The following HYDIN variants were observed in gnomAD, a reference collection of about 807,000 sequenced individuals.
HYDIN encodes the protein HYDIN axonemal central pair apparatus protein.
A neutral mutation model predicts 403.9 loss-of-function variants in HYDIN; 132 were observed. That is an observed-to-expected ratio of 0.33 (90% confidence interval 0.28 to 0.38). The LOEUF (loss-of-function observed/expected upper bound fraction) is 0.38. HYDIN is among the 10% of genes least tolerant of loss of function. HYDIN has a pLI of 1.00. For synonymous variants in HYDIN, 1,202 were observed against 1,891.7 expected (o/e 0.64, Z 9.46); for missense variants, 2,827 against 5,009.5 (o/e 0.56, Z 13.15).
chr16:71,203,788 A>G (rs1267985323), intron 1 of HYDIN: 1 of 455,928 alleles, frequency 2.2e-6, no homozygotes, highest in Non-Finnish European at 4.4e-6. Flanking sequence ...GTGTGAGTCC[A>G]GAACAGATAA....
At chr16:71,010,689 C>T (rs2078473) in intron 23 of HYDIN, among the ~76,000 whole-genome samples, 1 of 152,256 alleles carries the variant, frequency 6.6e-6, no homozygotes, top group Non-Finnish European at 1.5e-5. Flanking sequence ...GACACCAGCA[C>T]CCTGAGCTAC....
At chr16:71,069,182 C>T (rs143698316) in intron 14 of HYDIN, 85 bp downstream of exon 14, 27,979 of 1,470,646 alleles carry the variant, frequency 0.019, 334 homozygotes, top group Non-Finnish European at 0.021. Flanking sequence ...ACTGGACATG[C>T]TAGAGCAAAC....
chr16:71,230,487 G>C, intron 1 of HYDIN, 75 bp downstream of exon 1: 1 of 1,450,618 alleles, frequency 6.9e-7, no homozygotes, highest in South Asian at 1.4e-5. Flanking sequence ...GGACGAGGAC[G>C]AAAAGAGGGG....
At chr16:71,015,484 C>A (rs2080226904) in intron 23 of HYDIN, among the ~76,000 whole-genome samples, 1 of 98,932 alleles carries the variant, frequency 1.0e-5, no homozygotes, top group African/African-American at 6.3e-5. Context: ...TTCACAAAAT[C>A]TGGCATTTGA....
chr16:70,813,415 G>A (rs1448310074), intron 84 of HYDIN, among the ~76,000 whole-genome samples: 7 of 152,172 alleles, frequency 4.6e-5, no homozygotes, highest in Non-Finnish European at 5.9e-5. Flanking sequence ...GCAACCACAT[G>A]AGTGAGTCTG....
chr16:71,092,655 A>G (rs2083146768), intron 11 of HYDIN, among the ~76,000 whole-genome samples: 1 of 148,778 alleles, frequency 6.7e-6, no homozygotes, highest in African/African-American at 2.5e-5. Context: ...ATCTTGGCTC[A>G]CTGTAACCTC....
intron 42 of HYDIN, among the ~76,000 whole-genome samples, 161 bp downstream of exon 42, chr16:70,943,651 G>A (rs74953668): frequency 6.6e-6 from 1 of 152,166 alleles, no homozygotes; most frequent in Non-Finnish European, 1.5e-5. Context: ...ACCGGGCCAG[G>A]GTCAGGGGTC....
At chr16:70,946,727 G>A (rs2077875280) in intron 41 of HYDIN, among the ~76,000 whole-genome samples, 1 of 152,150 alleles carries the variant, frequency 6.6e-6, no homozygotes, top group Non-Finnish European at 1.5e-5. Context: ...TGGGAAAGCA[G>A]GATTGTGATA....
At chr16:71,027,042 T>C (rs1597582805) in intron 20 of HYDIN, 1 of 706,058 alleles carries the variant, frequency 1.4e-6, no homozygotes, top group Non-Finnish European at 1.7e-6. Flanking sequence ...ACTCATGATT[T>C]GGATCTACTG....
In HYDIN at chr16:71,166,081, A is replaced by C. The variant is rs1225193175; in HGVS notation, c.517-3351T>G. ...GCGGGAAGAGGGAGGCCAGTTAGGA[A>C]GCCACTGCTATAGTCCAGGCATGAG... On this transcript the variant is annotated intron_variant, in intron 5 of 85. Transcript: ENST00000393567. Among the ~76,000 whole-genome samples the C allele has an allele frequency of 2.0e-5, 3 of 148,334 alleles. No individual in the cohort carries two copies. In the Admixed American group the frequency reaches 2.0e-4, roughly 10 times the overall value.
chr16:71,135,614 A>T (rs1375721811), intron 8 of HYDIN, among the ~76,000 whole-genome samples: 1 of 151,364 alleles, frequency 6.6e-6, no homozygotes, highest in African/African-American at 2.4e-5. Flanking sequence ...CTTTACTTGG[A>T]TCTCCTTTCC....
intron 5 of HYDIN, among the ~76,000 whole-genome samples, chr16:71,173,046 C>A (rs544083871): frequency 6.6e-6 from 1 of 152,114 alleles, no homozygotes; most frequent in African/African-American, 2.4e-5. Context: ...ACAGTGAAAG[C>A]GAATGTAGAT....
At chr16:71,216,079 A>C (rs1172559396) in intron 1 of HYDIN, among the ~76,000 whole-genome samples, 1 of 152,202 alleles carries the variant, frequency 6.6e-6, no homozygotes, top group Admixed American at 6.5e-5. Flanking sequence ...TAGTAAACTT[A>C]AAGATACGTA....
chr16:70,945,716 C>A (rs1051272200), intron 41 of HYDIN, among the ~76,000 whole-genome samples: 1 of 152,014 alleles, frequency 6.6e-6, no homozygotes, highest in African/African-American at 2.4e-5. Flanking sequence ...GAAAGCCACA[C>A]GAAGAAAGCG....
At position 70,933,517 on chromosome 16, in the gene HYDIN, C is replaced by T. The variant is rs1042134900; in HGVS notation, c.7158+2435G>A. On this transcript the variant is annotated intron_variant, in intron 45 of 85. Transcript: ENST00000393567. ...AAGGAGTGCCTGCTTTGGAGTTGGA[C>T]AAATTGGGCCTGCCCCCACCGCCTT... 2.6e-5 allele frequency: 4 copies of T among 151,300 alleles called. No individual in the cohort carries two copies. In the East Asian group the frequency reaches 7.9e-4, roughly 30 times the overall value. The allele number at this position is 151,300 out of a possible 1,614,324, so 9.4% of individuals were successfully genotyped here.
At chr16:70,851,498 G>C (rs1320051301) in intron 73 of HYDIN, among the ~76,000 whole-genome samples, 2 of 148,200 alleles carry the variant, frequency 1.3e-5, no homozygotes, top group Admixed American at 6.6e-5. Context: ...CTAATCATCA[G>C]AGAAATGCAA....
At chr16:70,958,324 A>G (rs1331279125) in intron 39 of HYDIN, among the ~76,000 whole-genome samples, 1 of 152,146 alleles carries the variant, frequency 6.6e-6, no homozygotes, top group Non-Finnish European at 1.5e-5. Context: ...GAAAGCTGTA[A>G]GGTTCCATAA....
At chr16:71,214,395 GCTGAGT>G (rs1047088487) in intron 1 of HYDIN, among the ~76,000 whole-genome samples, 11 of 152,178 alleles carry the variant, frequency 7.2e-5, no homozygotes, top group Admixed American at 1.3e-4. Flanking sequence ...GACTTGACAT[GCTGAGT>G]CTAAGATTTT....
intron 4 of HYDIN, among the ~76,000 whole-genome samples, chr16:71,178,455 A>T (rs1331942041): frequency 7.0e-6 from 1 of 143,146 alleles, no homozygotes; most frequent in Non-Finnish European, 1.5e-5. Context: ...ATATATATGT[A>T]TATATATATA....
Sources: gnomAD v4.1 joint callset for allele counts (sites outside exome capture counted in the v4.1 genomes callset) on GRCh38, gnomAD v4.1.1 for gene constraint, MANE v1.5 for transcripts, NCBI Gene and HGNC (gene_info 2026-07-23, HGNC 2026-07-21) for gene names.